The following OSMR variants were observed in gnomAD, a reference collection of about 807,000 sequenced individuals.
The protein encoded by OSMR is oncostatin-M-specific receptor subunit beta.
OSMR carries 81 observed loss-of-function variants against 99.9 expected under a neutral mutation model. The observed-to-expected ratio is 0.81, with a 90% CI of 0.68 to 0.97. The LOEUF (loss-of-function observed/expected upper bound fraction) is 0.97, where lower values mean the gene tolerates loss of function less well. Ranked by LOEUF, OSMR falls within the 50% of genes least tolerant of loss-of-function variation. OSMR has a pLI of 0.00. For synonymous variants in OSMR, 406 were observed against 410.4 expected (o/e 0.99, Z 0.13); for missense variants, 1,099 against 1,153.4 (o/e 0.95, Z 0.68).
At position 38,881,686 on chromosome 5, in the gene OSMR, A is replaced by G; in HGVS notation, c.340A>G (p.Ile114Val). The change falls in exon 4 of 18, where the codon ATA becomes GTA. Residue 114 changes from isoleucine to valine, a missense_variant. Coordinates refer to ENST00000274276, the MANE Select transcript of OSMR (RefSeq NM_003999.3). ...PLECATHFVR[I>V]KSLVDDAKFP... Reference sequence around the variant, plus strand: ...GGAATGTGCCACACACTTTGTAAGAATAAAGAGTTTGGTGGACGATGCCAA... The same window carrying G: ...GGAATGTGCCACACACTTTGTAAGAGTAAAGAGTTTGGTGGACGATGCCAA... 2 of 1,614,236 alleles carry G rather than the reference A, an allele frequency of 1.2e-6. No individual in the cohort carries two copies. The highest frequency in any genetic ancestry group is 1.7e-6 in the Non-Finnish European group (2 of 1,180,040).
At chr5:38,850,889 G>A (rs895746526) in intron 1 of OSMR, among the ~76,000 whole-genome samples, 2 of 152,148 alleles carry the variant, frequency 1.3e-5, no homozygotes, top group African/African-American at 4.8e-5. Flanking sequence ...TCTGTCAGCC[G>A]GGGATGGTAG....
At chr5:38,921,559 T>C in intron 11 of OSMR, 56 bp from the exon 12 acceptor site, 1 of 1,612,482 alleles carries the variant, frequency 6.2e-7, no homozygotes, top group Non-Finnish European at 8.5e-7. Context: ...CTTACACACT[T>C]AAAACAATTT....
intron 9 of OSMR, among the ~76,000 whole-genome samples, chr5:38,908,205 GGCAACTCTACCCACCCCTGCACTGCCACT>G (rs1188282497): frequency 6.6e-6 from 1 of 152,096 alleles, no homozygotes; most frequent in Non-Finnish European, 1.5e-5. Flanking sequence ...CATGGATGCT[GGCAACTCTACCCACCCCTGCACTGCCACT>G]GCTGCCTGTG....
rs77756526 is a variant in OSMR, at chr5:38,942,447, A to G, written c.75-1754A>G. The G allele has an allele frequency of 5.2e-3, 4,464 of 850,874 alleles. 206 individuals are homozygous for G. The African/African-American group carries it at 0.07, about 13-fold the overall frequency. The allele number at this position is 850,874 out of a possible 1,614,324, so 52.7% of individuals were successfully genotyped here. On this transcript the variant is annotated intron_variant and NMD_transcript_variant, in intron 1 of 2. Transcript: ENST00000508882. ...GATGATATAACATATTTATATAAATATCTAATTTTTTTTTTTTTTTGAGAT... is the reference window on the plus strand; with the variant it reads ...GATGATATAACATATTTATATAAATGTCTAATTTTTTTTTTTTTTTGAGAT...
intron 14 of OSMR, 89 bp from the exon 15 acceptor site, chr5:38,925,115 T>C: frequency 6.3e-7 from 1 of 1,575,842 alleles, no homozygotes; most frequent in Non-Finnish European, 8.6e-7. Flanking sequence ...AACAAGAGCA[T>C]TAGTGTCCAG....
intron 4 of OSMR, among the ~76,000 whole-genome samples, chr5:38,883,431 A>G (rs543463361): frequency 6.6e-6 from 1 of 152,230 alleles, no homozygotes; most frequent in Non-Finnish European, 1.5e-5. Context: ...AACTTTGGCT[A>G]AGTCTTACCT....
chr5:38,902,970 G>A (rs1162002190), intron 7 of OSMR, among the ~76,000 whole-genome samples: 3 of 152,102 alleles, frequency 2.0e-5, no homozygotes, highest in Admixed American at 2.0e-4. Flanking sequence ...TGTGGCCTGT[G>A]TCTCTCTTAT....
intron 7 of OSMR, among the ~76,000 whole-genome samples, chr5:38,890,450 T>C (rs1208883441): frequency 4.6e-5 from 7 of 152,224 alleles, no homozygotes; most frequent in Non-Finnish European, 7.3e-5. Flanking sequence ...TTCTTTTCTT[T>C]TTAGATTTTC....
intron 1 of OSMR, chr5:38,943,121 A>C: frequency 3.8e-6 from 2 of 529,850 alleles, no homozygotes; most frequent in Non-Finnish European, 6.7e-6. Flanking sequence ...TAAAATATTA[A>C]ATATTCCTGT....
chr5:38,935,961 T>TAAAC (rs1207834878), downstream of OSMR, among the ~76,000 whole-genome samples: 3 of 152,220 alleles, frequency 2.0e-5, no homozygotes, highest in Admixed American at 6.5e-5. Flanking sequence ...GTCTTGGCTG[T>TAAAC]AAACATTTCG....
chr5:38,853,383 C>A (rs951805823), intron 1 of OSMR, among the ~76,000 whole-genome samples: 1 of 152,172 alleles, frequency 6.6e-6, no homozygotes, highest in Non-Finnish European at 1.5e-5. Flanking sequence ...TCTCCTTCTA[C>A]AGAAAAGGAC....
rs928665455 is a variant in OSMR, at chr5:38,920,074, G to A, written c.1585+1012G>A. 2.7e-4 allele frequency among the ~76,000 whole-genome samples: 41 copies of A among 152,114 alleles called. 1 individual carries two copies. The highest frequency in any genetic ancestry group is 2.0e-3 in the Admixed American group (30 of 15,272). ...AAAAGGGGGCATTTCATTCAGCCTC[G>A]GGGAGCTGGTACTGGCCTCTTCTGA... On this transcript the variant is annotated intron_variant, in intron 11 of 17. Coordinates refer to ENST00000274276, the MANE Select transcript of OSMR (RefSeq NM_003999.3).
At chr5:38,924,235 ACTC>A (rs1746366775) in intron 13 of OSMR, 184 bp from the exon 14 acceptor site, 1 of 839,904 alleles carries the variant, frequency 1.2e-6, no homozygotes, top group Non-Finnish European at 1.4e-6. Flanking sequence ...AGATTGCTCA[ACTC>A]CTTCACAGCT....
At chr5:38,862,740 C>T (rs1741557288) in intron 1 of OSMR, among the ~76,000 whole-genome samples, 1 of 151,294 alleles carries the variant, frequency 6.6e-6, no homozygotes. Context: ...GGAAGAGGCG[C>T]TCCTCACTTC....
downstream of OSMR, among the ~76,000 whole-genome samples, chr5:38,937,243 C>T (rs186266164): frequency 5.7e-4 from 87 of 152,264 alleles, no homozygotes; most frequent in Middle Eastern, 3.4e-3. The surrounding 1 kb of genome is among the most constrained non-coding windows in gnomAD (Gnocchi z 4.0). Flanking sequence ...CTGTGTTAGC[C>T]AGGATGGTCT....
At chr5:38,849,603 A>G (rs754094652) in intron 1 of OSMR, among the ~76,000 whole-genome samples, 4 of 152,186 alleles carry the variant, frequency 2.6e-5, no homozygotes, top group Non-Finnish European at 5.9e-5. Flanking sequence ...CTCTTTACAA[A>G]TAGCCTGTCA....
In OSMR at chr5:38,883,809, T is replaced by A; in HGVS notation, c.419-18T>A. 1 of 1,612,234 alleles carries A rather than the reference T, an allele frequency of 6.2e-7. No homozygotes were observed. Among genetic ancestry groups the A allele is most frequent in the South Asian group, 1.1e-5 (1 of 90,992 alleles). ...ATTTTGAGTGCGATTCTAACTTGGC[T>A]ATTTTTTTTTCTTGCAGTACAAGAT... On this transcript the variant is annotated intron_variant, in intron 4 of 17. Transcript: ENST00000274276.
rs767352097 is a variant in OSMR, at chr5:38,904,426, G to A, written c.1208G>A (p.Arg403Gln). 4.0e-5 allele frequency: 64 copies of A among 1,614,054 alleles called. No individual in the cohort carries two copies. The highest frequency in any genetic ancestry group is 9.9e-5 in the South Asian group (9 of 91,086). The change falls in exon 9 of 18, where the codon CGA becomes CAA. Residue 403 changes from arginine to glutamine, a missense_variant. Arg to Gln is a conservative substitution (Grantham distance 43). Coordinates refer to ENST00000274276, the MANE Select transcript of OSMR (RefSeq NM_003999.3). ...GAACCTGCCACAGAGTACATGGCGC[G>A]AGTACGGTGTGCTGATGCCAGCCAC... ...ELEPATEYMARVRCADASHFW... is the reference protein window; with the variant it reads ...ELEPATEYMAQVRCADASHFW...
chr5:38,924,634 G>A (rs1207267509), intron 14 of OSMR, 39 bp downstream of exon 14: 2 of 1,458,878 alleles, frequency 1.4e-6, no homozygotes, highest in Admixed American at 1.7e-5. Flanking sequence ...ATTCTTTCAA[G>A]ATCTCATTAT....
Sources: allele counts gnomAD v4.1 joint callset (sites outside exome capture counted in the v4.1 genomes callset), GRCh38; gene constraint gnomAD v4.1.1; non-coding constraint Gnocchi (gnomAD v3.1); transcripts MANE v1.5; gene names NCBI Gene and HGNC (gene_info 2026-07-23, HGNC 2026-07-21).